The following SOAT1 variants were observed in gnomAD, a reference collection of about 807,000 sequenced individuals.
SOAT1 encodes sterol O-acyltransferase 1, also known as acyl-coenzyme A:cholesterol acyltransferase 1.
SOAT1 carries 55 observed loss-of-function variants against 69.5 expected under a neutral mutation model. That is an observed-to-expected ratio of 0.79 (90% CI 0.64 to 0.99). The LOEUF (loss-of-function observed/expected upper bound fraction) is 0.99. Ranked by LOEUF, SOAT1 falls within the 50% of genes least tolerant of loss-of-function variation. The pLI, the probability that SOAT1 is intolerant of heterozygous loss-of-function variation, is 0.00. For missense variants in SOAT1, 580 were observed against 669.3 expected (o/e 0.87, Z 1.47); for synonymous variants, 231 against 224.7 (o/e 1.03, Z -0.25).
chr1:179,307,792 CTT>C (rs374097712), intron 2 of SOAT1, among the ~76,000 whole-genome samples: 25 of 140,328 alleles, frequency 1.8e-4, no homozygotes, highest in Admixed American at 2.2e-4. Context: ...AAGGTATTAT[CTT>C]TTTTTTTTTT....
intron 3 of SOAT1, among the ~76,000 whole-genome samples, chr1:179,329,566 C>T (rs1665905029): frequency 6.6e-6 from 1 of 151,624 alleles, no homozygotes; most frequent in South Asian, 2.1e-4. Context: ...AAAAATACAA[C>T]AAAAATTAGG....
intron 3 of SOAT1, among the ~76,000 whole-genome samples, chr1:179,324,026 T>A (rs1348586678): frequency 1.3e-5 from 2 of 152,186 alleles, no homozygotes; most frequent in Non-Finnish European, 2.9e-5. Flanking sequence ...TACCTGGGTG[T>A]AAGTTGACTT....
Position 179,345,003 on chromosome 1 carries a change from G to T in SOAT1, c.1044G>T (p.Leu348Phe), listed in dbSNP as rs745458748. 1.9e-6 allele frequency: 3 copies of T among 1,614,030 alleles called. No individual in the cohort carries two copies. The highest frequency in any genetic ancestry group is 8.5e-7 in the Non-Finnish European group (1 of 1,179,970). The change falls in exon 11 of 16, where the codon TTG becomes TTT. Residue 348 changes from leucine to phenylalanine, a missense_variant. Coordinates refer to ENST00000367619, the MANE Select transcript of SOAT1 (RefSeq NM_003101.6). ...YYIFERLCAPLFRNIKQEPFS... is the reference protein window; with the variant it reads ...YYIFERLCAPFFRNIKQEPFS... Reference sequence around the variant, plus strand: ...TCTTTGAAAGGCTTTGTGCCCCCTTGTTTCGGAATATCAAACAGGAGCCCT... The same window carrying T: ...TCTTTGAAAGGCTTTGTGCCCCCTTTTTTCGGAATATCAAACAGGAGCCCT...
intron 1 of SOAT1, 85 bp from the exon 2 acceptor site, chr1:179,302,592 T>G: frequency 1.3e-6 from 1 of 764,268 alleles, no homozygotes; most frequent in Non-Finnish European, 2.0e-6. Context: ...TAAACCTCTT[T>G]CCTTTATAAA....
At chr1:179,330,513 G>A (rs559162709) in intron 3 of SOAT1, among the ~76,000 whole-genome samples, 1 of 152,286 alleles carries the variant, frequency 6.6e-6, no homozygotes, top group East Asian at 1.9e-4. Flanking sequence ...TAATCTTGTG[G>A]CCTTTCTTTA....
chr1:179,306,045 C>T (rs1295753676), intron 2 of SOAT1, among the ~76,000 whole-genome samples: 6 of 152,156 alleles, frequency 3.9e-5, no homozygotes, highest in Non-Finnish European at 8.8e-5. Flanking sequence ...GCTTTCAATC[C>T]ACAGAGGTAT....
chr1:179,335,028 A>C (rs919633967), intron 3 of SOAT1, among the ~76,000 whole-genome samples: 13 of 151,672 alleles, frequency 8.6e-5, no homozygotes, highest in African/African-American at 3.1e-4. Flanking sequence ...AAAAAAAAAA[A>C]AAAAAAAAAG....
intron 2 of SOAT1, among the ~76,000 whole-genome samples, chr1:179,317,212 C>T (rs183932463): frequency 4.6e-5 from 7 of 152,148 alleles, no homozygotes; most frequent in Admixed American, 2.0e-4. Context: ...GCAAAATATA[C>T]AATAGCAATT....
At chr1:179,343,873 A>T (rs1666428455) in intron 10 of SOAT1, among the ~76,000 whole-genome samples, 1 of 152,218 alleles carries the variant, frequency 6.6e-6, no homozygotes, top group Non-Finnish European at 1.5e-5. Context: ...CTGTAATCCC[A>T]GCACTTTGGG....
chr1:179,356,275 A>T lies in SOAT1; in HGVS notation c.*2634A>T, dbSNP rs1207293262. 6.6e-6 allele frequency: 1 copy of T among 152,120 alleles called. No individual in the cohort carries two copies. The highest frequency in any genetic ancestry group is 1.5e-5 in the Non-Finnish European group (1 of 68,022). The allele number at this position is 152,120 out of a possible 1,614,324, so 9.4% of individuals were successfully genotyped here. The stretch of plus-strand genomic sequence containing the variant: ...TATGTAGTATGTATATCACTTTCTC[A>T]TTAGATCTCTAACTTGACCTTCTAG... On this transcript the variant is annotated 3_prime_UTR_variant, in exon 16 of 16. Transcript: ENST00000367619.
chr1:179,327,372 G>A (rs1231781758), intron 3 of SOAT1, among the ~76,000 whole-genome samples: 1 of 152,130 alleles, frequency 6.6e-6, no homozygotes, highest in African/African-American at 2.4e-5. Context: ...TTTAAAGTGA[G>A]AGCATTGCAC....
intron 2 of SOAT1, among the ~76,000 whole-genome samples, chr1:179,315,225 G>A (rs979942777): frequency 6.6e-6 from 1 of 152,190 alleles, no homozygotes; most frequent in African/African-American, 2.4e-5. Context: ...CATGAGGATT[G>A]CTGGAGGCCA....
chr1:179,296,001 T>A lies in SOAT1; in HGVS notation c.-9+2065T>A, dbSNP rs1378129099. 1.7e-4 allele frequency among the ~76,000 whole-genome samples: 15 copies of A among 86,460 alleles called. No individual in the cohort carries two copies. The East Asian group carries it at 4.1e-3, about 24-fold the overall frequency. 56.7% of individuals were successfully genotyped at this position (86,460 alleles called of 152,430 possible). A position where few individuals can be genotyped will look rare whatever the true frequency, so the allele number is the denominator to read the frequency against. On this transcript the variant is annotated intron_variant, in intron 1 of 15. Transcript: ENST00000367619. Reference sequence around the variant, plus strand: ...TTTTTTTTTTTTTTTTTTTTTTTTTTAGTAAAGACTGATCAGATCTTACTG... The same window carrying A: ...TTTTTTTTTTTTTTTTTTTTTTTTTAAGTAAAGACTGATCAGATCTTACTG...
intron 2 of SOAT1, among the ~76,000 whole-genome samples, chr1:179,303,012 CCATT>C (rs1483994546): frequency 6.6e-6 from 1 of 152,126 alleles, no homozygotes; most frequent in African/African-American, 2.4e-5. Flanking sequence ...GTTTTAGAGA[CCATT>C]CATTCAGTCA....
At position 179,350,363 on chromosome 1, in the gene SOAT1, A is replaced by G. The variant is rs779259418; in HGVS notation, c.1382A>G (p.Glu461Gly). 1 of 1,614,088 alleles carries G rather than the reference A, an allele frequency of 6.2e-7. No individual in the cohort carries two copies. The highest frequency in any genetic ancestry group is 8.5e-7 in the Non-Finnish European group (1 of 1,179,984). ...TTTGCTGTATCTGCTGTAGTACACG[A>G]ATATGCCTTGGCTGTTTGCTTGAGC... ...AVFAVSAVVHEYALAVCLSFF... is the reference protein window; with the variant it reads ...AVFAVSAVVHGYALAVCLSFF... The change falls in exon 14 of 16, where the codon GAA (glutamate) becomes GGA (glycine). Residue 461 changes from glutamate to glycine, a missense_variant. Physicochemically the swap from Glu to Gly is moderately conservative, Grantham distance 98. Transcript: ENST00000367619.
intron 3 of SOAT1, among the ~76,000 whole-genome samples, chr1:179,333,275 A>G (rs952182002): frequency 1.3e-5 from 2 of 152,070 alleles, no homozygotes; most frequent in South Asian, 2.1e-4. Flanking sequence ...AATAGTTTCT[A>G]TCCTGCCGAG....
intron 3 of SOAT1, among the ~76,000 whole-genome samples, chr1:179,326,187 C>T (rs969141161): frequency 2.6e-5 from 4 of 152,186 alleles, no homozygotes; most frequent in Non-Finnish European, 5.9e-5. Flanking sequence ...GATTATAAAG[C>T]ATTTTTTCTC....
intron 6 of SOAT1, 85 bp downstream of exon 6, chr1:179,339,630 T>A (rs1211003437): frequency 1.3e-6 from 1 of 761,474 alleles, no homozygotes; most frequent in Non-Finnish European, 2.1e-6. Flanking sequence ...GTAAATTGAT[T>A]AAATTGCTTC....
intron 6 of SOAT1, among the ~76,000 whole-genome samples, chr1:179,340,729 C>A (rs1666304008): frequency 6.6e-6 from 1 of 151,828 alleles, no homozygotes. Flanking sequence ...TTCAGAAGTT[C>A]AAAGTCCAAT....
Sources: gnomAD v4.1 joint callset for allele counts (sites outside exome capture counted in the v4.1 genomes callset) on GRCh38, gnomAD v4.1.1 for gene constraint, MANE v1.5 for transcripts, NCBI Gene and HGNC (gene_info 2026-07-23, HGNC 2026-07-21) for gene names.